The following MGME1 variants were observed in gnomAD, a reference collection of about 807,000 sequenced individuals.
MGME1 encodes the protein mitochondrial genome maintenance exonuclease 1, also known as chromosome 20 open reading frame 72.
In MGME1, 22 loss-of-function variants were observed where a neutral mutation model predicts 33.0. That is an observed-to-expected ratio of 0.67 (90% CI 0.48 to 0.95). The LOEUF (loss-of-function observed/expected upper bound fraction) is 0.95. Among genes scored for constraint, MGME1 ranks in the 40% least tolerant of loss-of-function variants. MGME1 has a pLI of 0.00. For missense variants in MGME1, 383 were observed against 397.8 expected (o/e 0.96, Z 0.32); for synonymous variants, 133 against 144.0 (o/e 0.92, Z 0.55).
Position 17,981,722 on chromosome 20 carries a change from T to G in MGME1, c.731+5819T>G, listed in dbSNP as rs369840751. 3.0e-4 allele frequency among the ~76,000 whole-genome samples: 45 copies of G among 151,770 alleles called. No individual in the cohort carries two copies. The South Asian group carries it at 7.1e-3, about 24-fold the overall frequency. On this transcript the variant is annotated intron_variant, in intron 3 of 4. Transcript: ENST00000377710. ...CTCTATTGCCCAGGCTGGAGTGCAG[T>G]GGCACAATCTGGACTCACTATAACC...
chr20:17,976,460 A>C (rs190545774), intron 3 of MGME1, among the ~76,000 whole-genome samples: 1 of 152,102 alleles, frequency 6.6e-6, no homozygotes, highest in Non-Finnish European at 1.5e-5. Context: ...CCTGTTTGCC[A>C]GCCTGTCCTT....
chr20:17,990,571 G>A lies in MGME1; in HGVS notation c.*462G>A, dbSNP rs192430919. ...AGGGAGGACACATCAGCCCACTACC[G>A]CTGCCAACACCAATGCCTAAAACTT... On this transcript the variant is annotated 3_prime_UTR_variant, in exon 5 of 5. Coordinates refer to ENST00000377710, the MANE Select transcript of MGME1 (RefSeq NM_052865.4). The A allele has an allele frequency of 1.2e-4, 21 of 172,842 alleles. No individual in the cohort carries two copies. The East Asian group carries it at 2.8e-3, about 23-fold the overall frequency. 10.7% of individuals were successfully genotyped at this position (172,842 alleles called of 1,614,324 possible).
upstream of MGME1, chr20:17,968,894 T>G (rs1174814878): frequency 6.3e-6 from 1 of 159,552 alleles, no homozygotes; most frequent in Admixed American, 6.5e-5. Flanking sequence ...AGGGCGCGAT[T>G]TGGAGGCTCC....
At chr20:17,971,842 T>A (rs1041339671) in intron 2 of MGME1, among the ~76,000 whole-genome samples, 4 of 152,082 alleles carry the variant, frequency 2.6e-5, no homozygotes, top group African/African-American at 9.7e-5. Context: ...CCCAAGTGAT[T>A]CTCCCATCTC....
rs537608341 is a variant in MGME1 at position 17,990,410 on chromosome 20, T to TGGGGGGGGGGGGGGGGG, written c.*314_*315insGGGGGGGGGGGGGGGGG. 2.2e-5 allele frequency: 1 copy of TGGGGGGGGGGGGGGGGG among 44,502 alleles called. No individual in the cohort carries two copies. Among genetic ancestry groups the TGGGGGGGGGGGGGGGGG allele is most frequent in the Non-Finnish European group, 4.2e-5 (1 of 23,804 alleles). The allele number at this position is 44,502 out of a possible 1,614,324, so 2.8% of individuals were successfully genotyped here. ...ACTCTTGTACTCCCTTGAGGGACATTGGGGGGGGGGGGGCGTGGTCCCAGG... is the reference window on the plus strand; with the variant it reads ...ACTCTTGTACTCCCTTGAGGGACATTGGGGGGGGGGGGGGGGGGGGGGGGGGGGGGCGTGGTCCCAGG... On this transcript the variant is annotated 3_prime_UTR_variant, in exon 5 of 5. Transcript: ENST00000377710.
chr20:17,977,872 G>A (rs2035907719), intron 3 of MGME1, among the ~76,000 whole-genome samples: 1 of 152,222 alleles, frequency 6.6e-6, no homozygotes, highest in Non-Finnish European at 1.5e-5. Context: ...TCGTTCGAAC[G>A]CCTCTGATAC....
intron 4 of MGME1, among the ~76,000 whole-genome samples, chr20:17,989,068 G>A (rs576736056): frequency 4.0e-5 from 6 of 150,382 alleles, no homozygotes; most frequent in South Asian, 4.2e-4. Flanking sequence ...TAGCCTGGCC[G>A]ACAGAGCAAA....
chr20:17,969,219 C>T (rs1272962852), intron 1 of MGME1, 78 bp downstream of exon 1: 2 of 152,318 alleles, frequency 1.3e-5, no homozygotes, highest in Non-Finnish European at 2.9e-5. Context: ...CAGGGGCCAC[C>T]GCCGTCCTGG....
intron 3 of MGME1, among the ~76,000 whole-genome samples, chr20:17,981,213 T>C (rs925093493): frequency 3.9e-5 from 6 of 152,188 alleles, no homozygotes; most frequent in African/African-American, 1.4e-4. Flanking sequence ...GCAGCACTTA[T>C]GTATGATTTC....
At chr20:17,980,922 A>T (rs1482074779) in intron 3 of MGME1, among the ~76,000 whole-genome samples, 1 of 138,660 alleles carries the variant, frequency 7.2e-6, no homozygotes, top group Non-Finnish European at 1.6e-5. Context: ...TTTGCTTAAA[A>T]CTTTTTTTTT....
At chr20:17,968,798 G>C (rs923456509), upstream of MGME1, 1 of 267,294 alleles carries the variant, frequency 3.7e-6, no homozygotes, top group African/African-American at 2.3e-5. Flanking sequence ...GAGAAAGACC[G>C]CGTTTCGGTG....
intron 3 of MGME1, 80 bp downstream of exon 3, chr20:17,975,983 C>A: frequency 8.7e-7 from 1 of 1,152,550 alleles, no homozygotes; most frequent in Non-Finnish European, 1.3e-6. Context: ...GGTACTGTAG[C>A]CTCTGTCTGT....
chr20:17,978,353 C>T (rs142115303), intron 3 of MGME1, among the ~76,000 whole-genome samples: 10 of 152,174 alleles, frequency 6.6e-5, no homozygotes, highest in African/African-American at 2.4e-4. Context: ...TAGAGGTGCA[C>T]GCCACCACAC....
In MGME1 at chr20:17,974,213, C is replaced by T. The variant is rs569817948; in HGVS notation, c.512-1471C>T. Among the ~76,000 whole-genome samples the T allele has an allele frequency of 4.1e-3, 619 of 152,028 alleles. 6 individuals carry two copies. The highest frequency in any genetic ancestry group is 0.014 in the African/African-American group (587 of 41,472). ...CAGAGTAGCTGGAATTACAGGCATG[C>T]GCCACCACACCTGGCTAATTTTTGT... is the stretch of plus-strand genomic sequence containing the variant. On this transcript the variant is annotated intron_variant, in intron 2 of 4. Coordinates refer to ENST00000377710, the MANE Select transcript of MGME1 (RefSeq NM_052865.4).
rs143726947 is a variant in MGME1 at position 17,982,235 on chromosome 20, C to T, written c.732-5931C>T. Among the ~76,000 whole-genome samples the T allele has an allele frequency of 2.4e-4, 36 of 152,318 alleles. 1 individual carries two copies. The highest frequency in any genetic ancestry group is 3.5e-4 in the Non-Finnish European group (24 of 68,032). Reference sequence around the variant, plus strand: ...TCCTGGGTTCAAGCGATTCTCCTGTCTTGTACTCCCAAGTGGCTGAGATTA... The same window carrying T: ...TCCTGGGTTCAAGCGATTCTCCTGTTTTGTACTCCCAAGTGGCTGAGATTA... On this transcript the variant is annotated intron_variant, in intron 3 of 4. Transcript: ENST00000377710.
chr20:17,969,725 G>GAA lies in MGME1; in HGVS notation c.-59-72_-59-71dup, dbSNP rs2035662112. On this transcript the variant is annotated intron_variant, in intron 1 of 4. Transcript: ENST00000377710. ...AGAAAGGGCTCTGTCCAAACATGTCGAAAAAGTTCACAATTTTGATGTGCA... is the reference window on the plus strand; with the variant it reads ...AGAAAGGGCTCTGTCCAAACATGTCGAAAAAAAGTTCACAATTTTGATGTGCA... The GAA allele has an allele frequency of 1.2e-5, 11 of 952,496 alleles. No homozygotes were observed. In the South Asian group the frequency reaches 1.9e-4, roughly 17 times the overall value. The allele number at this position is 952,496 out of a possible 1,614,324, so 59.0% of individuals were successfully genotyped here. A position where few individuals can be genotyped will look rare whatever the true frequency, so the allele number is the denominator to read the frequency against.
At chr20:17,970,424 G>A in intron 2 of MGME1, 54 bp downstream of exon 2, 1 of 1,513,288 alleles carries the variant, frequency 6.6e-7, no homozygotes, top group Non-Finnish European at 8.8e-7. Flanking sequence ...ATAATAGAGA[G>A]CAACGGTGTC....
chr20:17,973,949 A>G (rs1010394891), intron 2 of MGME1, among the ~76,000 whole-genome samples: 4 of 151,788 alleles, frequency 2.6e-5, no homozygotes, highest in African/African-American at 9.7e-5. Context: ...AAAATTAAAT[A>G]ATGTTTTGAA....
intron 3 of MGME1, among the ~76,000 whole-genome samples, chr20:17,987,170 TAAA>T (rs373017515): frequency 9.4e-4 from 115 of 122,386 alleles, no homozygotes; most frequent in Admixed American, 1.1e-3. Flanking sequence ...AGACTCCATC[TAAA>T]AAAAAAAAAA....
Sources: gnomAD v4.1 joint callset for allele counts (sites outside exome capture counted in the v4.1 genomes callset) on GRCh38, gnomAD v4.1.1 for gene constraint, MANE v1.5 for transcripts, NCBI Gene and HGNC (gene_info 2026-07-23, HGNC 2026-07-21) for gene names.